The following SH3BP5L variants were observed in gnomAD, a reference collection of about 807,000 sequenced individuals.
SH3BP5L encodes SH3 binding domain protein 5 like, also known as SH3 domain-binding protein 5-like.
SH3BP5L carries 16 observed loss-of-function variants against 40.9 expected under a neutral mutation model. The ratio of observed to expected loss-of-function variants is 0.39; its 90% CI spans 0.27 to 0.59. The LOEUF is 0.59. Among genes scored for constraint, SH3BP5L ranks in the 20% least tolerant of loss-of-function variants. The pLI is 0.53. For missense variants in SH3BP5L, 471 were observed against 544.6 expected (o/e 0.86, Z 1.35); for synonymous variants, 229 against 226.7 (o/e 1.01, Z -0.09).
rs756594510 is a variant in SH3BP5L at position 248,814,584 on chromosome 1, C to T, written c.402G>A (p.Ala134=). ...KEAQQETQKA[A]LRYERAVSMH... ...TGCTTACGGCCCGCTCGTACCGCAG[C>T]GCTGCCTTCTGTGTCTCCTGCTGAG... The change falls in exon 5 of 7, where the codon GCG becomes GCA. Residue 134 remains alanine (A), a synonymous_variant. Transcript: ENST00000366472. 72 of 1,614,074 alleles carry T rather than the reference C, an allele frequency of 4.5e-5. No homozygotes were observed. The highest frequency in any genetic ancestry group is 5.3e-5 in the African/African-American group (4 of 74,916).
Position 248,825,004 on chromosome 1 carries a change from T to G in SH3BP5L, c.-69A>C. On this transcript the variant is annotated 5_prime_UTR_variant, in exon 2 of 7. Coordinates refer to ENST00000366472, the MANE Select transcript of SH3BP5L (RefSeq NM_030645.3). ...ACATGCTGGGACCAGGGCCCCAGCT[T>G]GGGGCTTCCTGGGCTCTAGATGGCC... 8 of 1,520,494 alleles carry G rather than the reference T, an allele frequency of 5.3e-6. No homozygotes were observed. The highest frequency in any genetic ancestry group is 7.0e-6 in the Non-Finnish European group (8 of 1,140,478). The allele number at this position is 1,520,494 out of a possible 1,614,324, so 94.2% of individuals were successfully genotyped here. A position where few individuals can be genotyped will look rare whatever the true frequency, so the allele number is the denominator to read the frequency against.
Position 248,814,664 on chromosome 1 carries a change from T to A in SH3BP5L, c.376-54A>T, listed in dbSNP as rs150249084. The stretch of plus-strand genomic sequence containing the variant: ...AACCCTGAGGGACCCCAGCTGCCCA[T>A]GGAGACCCATAATAGACGTGAGGAT... On this transcript the variant is annotated intron_variant, in intron 4 of 6. Transcript: ENST00000366472. 255 of 1,587,672 alleles carry A rather than the reference T, an allele frequency of 1.6e-4. No individual in the cohort carries two copies. In the African/African-American group the frequency reaches 3.1e-3, roughly 19 times the overall value.
chr1:248,816,623 C>T lies in SH3BP5L; in HGVS notation c.286G>A (p.Ala96Thr). Residue 96 changes from alanine (A) to threonine (T), a missense_variant, in exon 4 of 7, where the codon GCG (alanine) becomes ACG (threonine). By Grantham distance (58) the Ala-to-Thr change is moderately conservative (BLOSUM62 0). Coordinates refer to ENST00000366472, the MANE Select transcript of SH3BP5L (RefSeq NM_030645.3). The stretch of plus-strand genomic sequence containing the variant: ...GAACCCTGTGTATTCAGTTTCCTCG[C>T]CGACTCCTGTAGGATCCTCCGATAG... ...TTYRRILQES[A>T]RKLNTQGSHL... is the part of the protein sequence containing the mutation. The T allele has an allele frequency of 1.9e-6, 3 of 1,614,134 alleles. No homozygotes were observed. The highest frequency in any genetic ancestry group is 2.5e-6 in the Non-Finnish European group (3 of 1,180,026).
In SH3BP5L at chr1:248,825,077, A is replaced by G; in HGVS notation, c.-142T>C. 7.0e-7 allele frequency: 1 copy of G among 1,431,128 alleles called. No homozygotes were observed. The highest frequency in any genetic ancestry group is 9.1e-7 in the Non-Finnish European group (1 of 1,097,962). The allele number at this position is 1,431,128 out of a possible 1,614,324, so 88.7% of individuals were successfully genotyped here. On this transcript the variant is annotated 5_prime_UTR_variant, in exon 2 of 7. Coordinates refer to ENST00000366472, the MANE Select transcript of SH3BP5L (RefSeq NM_030645.3). Reference sequence around the variant, plus strand: ...AAAGGCAGAAAAGGTGGGCACAGGAAGAACCTCACACTAGGTTAGAGGTTG... The same window carrying G: ...AAAGGCAGAAAAGGTGGGCACAGGAGGAACCTCACACTAGGTTAGAGGTTG...
At position 248,817,049 on chromosome 1, in the gene SH3BP5L, T is replaced by C. The variant is rs764971569; in HGVS notation, c.184-165A>G. 3.6e-5 allele frequency: 55 copies of C among 1,537,554 alleles called. No homozygotes were observed. The African/African-American group carries it at 7.3e-4, about 20-fold the overall frequency. On this transcript the variant is annotated intron_variant, in intron 2 of 6. Transcript: ENST00000366472. ...ATACGGAGATTGCCAAAAGCTTTCT[T>C]GTCTATCAGGGACCTGATACATACA...
In SH3BP5L at chr1:248,811,670, G is replaced by A. The variant is rs1447259491; in HGVS notation, c.*230C>T. On this transcript the variant is annotated 3_prime_UTR_variant, in exon 7 of 7. Coordinates refer to ENST00000366472, the MANE Select transcript of SH3BP5L (RefSeq NM_030645.3). ...CAGAGGCAGACAGAGCGCCGAGGGC[G>A]AGCCTTCTGAATGGGTAAGGCAAAG... The A allele has an allele frequency of 1.1e-5, 5 of 461,910 alleles. No homozygotes were observed. Among genetic ancestry groups the A allele is most frequent in the African/African-American group, 6.1e-5 (3 of 49,324 alleles). 28.6% of individuals were successfully genotyped at this position (461,910 alleles called of 1,614,324 possible).
Position 248,812,444 on chromosome 1 carries a change from C to T in SH3BP5L, c.712-74G>A. 8.6e-7 allele frequency: 1 copy of T among 1,160,032 alleles called. No individual in the cohort carries two copies. The highest frequency in any genetic ancestry group is 1.3e-5 in the South Asian group (1 of 76,316). The allele number at this position is 1,160,032 out of a possible 1,614,324, so 71.9% of individuals were successfully genotyped here. On this transcript the variant is annotated intron_variant, in intron 6 of 6. Transcript: ENST00000366472. This position sits in a 1 kb window ranked among gnomAD's most constrained non-coding sequence, Gnocchi z 6.1. ...CTTCCTCAGCACTCTGCACTGAGGT[C>T]TGAGGGCCTGCTCTCCCAGAATACC...
At chr1:248,823,958 C>T (rs1664312047) in intron 2 of SH3BP5L, among the ~76,000 whole-genome samples, 2 of 152,194 alleles carry the variant, frequency 1.3e-5, no homozygotes, top group Non-Finnish European at 1.5e-5. Flanking sequence ...ACACTGCAAC[C>T]CAGCTTTGAT....
chr1:248,818,651 G>A (rs1304125564), intron 2 of SH3BP5L, among the ~76,000 whole-genome samples: 3 of 152,222 alleles, frequency 2.0e-5, no homozygotes, highest in Non-Finnish European at 4.4e-5. Context: ...ACTGGAGAGA[G>A]AAGCAATAGA....
In SH3BP5L at chr1:248,821,221, A is replaced by C. The variant is rs1664248021; in HGVS notation, c.183+3532T>G. ...GACAGTTTTGGGCAGTCAGCAACAC[A>C]TTCCATTTGGCCTGCTTCACCAGGG... On this transcript the variant is annotated intron_variant, in intron 2 of 6. Coordinates refer to ENST00000366472, the MANE Select transcript of SH3BP5L (RefSeq NM_030645.3). This position sits in a 1 kb window ranked among gnomAD's most constrained non-coding sequence, Gnocchi z 4.6. The C allele has an allele frequency of 6.6e-6, 1 of 152,298 alleles. No individual in the cohort carries two copies. The highest frequency in any genetic ancestry group is 2.4e-5 in the African/African-American group (1 of 41,450). 9.4% of individuals were successfully genotyped at this position (152,298 alleles called of 1,614,324 possible).
intron 2 of SH3BP5L, 100 bp downstream of exon 2, chr1:248,824,653 A>G (rs927086317): frequency 7.2e-7 from 1 of 1,393,948 alleles, no homozygotes; most frequent in Non-Finnish European, 9.8e-7. Flanking sequence ...CTGCCCCAGC[A>G]GACTGGGGAC....
chr1:248,815,638 C>A (rs1426710226), intron 4 of SH3BP5L, among the ~76,000 whole-genome samples: 2 of 152,324 alleles, frequency 1.3e-5, no homozygotes, highest in East Asian at 3.9e-4. Context: ...CCAGCTAACT[C>A]CTTTACCTAC....
intron 5 of SH3BP5L, chr1:248,814,125 G>A (rs928290910): frequency 2.6e-5 from 8 of 305,238 alleles, no homozygotes; most frequent in East Asian, 7.3e-5. Flanking sequence ...AAACAGAAGC[G>A]AGGAGTCACA....
chr1:248,819,576 A>G (rs1219571073), intron 2 of SH3BP5L, among the ~76,000 whole-genome samples: 1 of 151,754 alleles, frequency 6.6e-6, no homozygotes, highest in East Asian at 1.9e-4. Flanking sequence ...GGTGGCACAC[A>G]CCTGTAGTCC....
Position 248,811,729 on chromosome 1 carries a change from G to T in SH3BP5L, c.*171C>A. 1 of 563,288 alleles carries T rather than the reference G, an allele frequency of 1.8e-6. No individual in the cohort carries two copies. The highest frequency in any genetic ancestry group is 3.1e-6 in the Non-Finnish European group (1 of 323,762). 34.9% of individuals were successfully genotyped at this position (563,288 alleles called of 1,614,324 possible). On this transcript the variant is annotated 3_prime_UTR_variant, in exon 7 of 7. Transcript: ENST00000366472. ...CTGCTGAGGGGAAGGGGGAGGCTGT[G>T]AGAACGCCAGGGCAGGCACAGAGGA...
chr1:248,812,187 C>G lies in SH3BP5L; in HGVS notation c.895G>C (p.Glu299Gln), dbSNP rs1461776728. 7 of 1,599,474 alleles carry G rather than the reference C, an allele frequency of 4.4e-6. No homozygotes were observed. Among genetic ancestry groups the G allele is most frequent in the Non-Finnish European group, 6.0e-6 (7 of 1,173,926 alleles). The change falls in exon 7 of 7, where the codon GAG (glutamate) becomes CAG (glutamine). Residue 299 changes from glutamate to glutamine, a missense_variant. Transcript: ENST00000366472. This position sits in a 1 kb window ranked among gnomAD's most constrained non-coding sequence, Gnocchi z 6.1. The stretch of plus-strand genomic sequence containing the variant: ...CCGCTGTCTCCGTCCTCCATGTCCT[C>G]GGGTCCTGCCTCGGCCCCCACGGGG... ...SSPVGAEAGP[E>Q]DMEDGDSGIE...
At position 248,819,398 on chromosome 1, in the gene SH3BP5L, T is replaced by TAAA. The variant is rs778474005; in HGVS notation, c.184-2517_184-2515dup. On this transcript the variant is annotated intron_variant, in intron 2 of 6. Transcript: ENST00000366472. ...TAACACTAACTACAGCTGATGAGCT[T>TAAA]AAAAAAAAAAAAAAAAATCGTGGGC... Among the ~76,000 whole-genome samples, 26 of 134,680 alleles carry TAAA rather than the reference T, an allele frequency of 1.9e-4. 1 individual carries two copies. The highest frequency in any genetic ancestry group is 4.5e-4 in the Admixed American group (6 of 13,314). 88.4% of individuals were successfully genotyped at this position (134,680 alleles called of 152,430 possible).
intron 2 of SH3BP5L, 44 bp downstream of exon 2, chr1:248,824,707 GCT>G (rs1237732793): frequency 1.4e-5 from 23 of 1,599,352 alleles, no homozygotes; most frequent in Non-Finnish European, 2.0e-5. Context: ...CTTCAGGGAG[GCT>G]GGAATCTGGG....
chr1:248,817,290 G>A (rs925021612), intron 2 of SH3BP5L, among the ~76,000 whole-genome samples: 3 of 152,200 alleles, frequency 2.0e-5, no homozygotes, highest in African/African-American at 7.2e-5. Context: ...GGCCACCTGG[G>A]CCAGGGCAGG....
Sources: gnomAD v4.1 joint callset for allele counts (sites outside exome capture counted in the v4.1 genomes callset) on GRCh38, gnomAD v4.1.1 for gene constraint, Gnocchi (gnomAD v3.1) non-coding constraint, MANE v1.5 for transcripts, NCBI Gene and HGNC (gene_info 2026-07-23, HGNC 2026-07-21) for gene names.